Variants in AKAP9 observed in about 807,000 individuals in gnomAD.
The protein encoded by AKAP9 is A-kinase anchor protein 9.
AKAP9 carries 311 observed loss-of-function variants against 488.5 expected under a neutral mutation model. The ratio of observed to expected loss-of-function variants is 0.64; its 90% CI spans 0.58 to 0.70. The LOEUF is 0.70. Ranked by LOEUF, AKAP9 falls within the 30% of genes least tolerant of loss-of-function variation. AKAP9 has a pLI of 0.00. For synonymous variants in AKAP9, 1,462 were observed against 1,483.5 expected, an observed-to-expected ratio of 0.99 and a Z score of 0.33; for missense variants, 4,215 against 4,374.5, an observed-to-expected ratio of 0.96 and a Z score of 1.03.
At chr7:91,972,151 G>A (rs13224513) in intron 1 of AKAP9, among the ~76,000 whole-genome samples, 60,609 of 151,726 alleles carry the variant, frequency 0.4, 12,401 homozygotes, top group African/African-American at 0.46. Context: ...CTAGGGGCTC[G>A]TGCCCAGAGG....
chr7:91,954,344 G>T (rs1379195537), intron 1 of AKAP9, among the ~76,000 whole-genome samples: 1 of 152,128 alleles, frequency 6.6e-6, no homozygotes, highest in Admixed American at 6.5e-5. Flanking sequence ...GAGTGCAGTG[G>T]CATGATCATT....
intron 26 of AKAP9, 84 bp from the exon 27 acceptor site, chr7:92,069,946 T>C (rs1316002230): frequency 1.6e-6 from 2 of 1,256,654 alleles, no homozygotes; most frequent in Non-Finnish European, 2.3e-6. Flanking sequence ...ATTGTAGATA[T>C]CCAAAATGAG....
rs781322281 is a variant in AKAP9, at chr7:92,012,442, T to A, written c.3332T>A (p.Leu1111Gln). Reference sequence around the variant, plus strand: ...GTTTACTTTAAGAATGATTTAAGGCTACAGATGGAAGCCCAACGCATTTGC... The same window carrying A: ...GTTTACTTTAAGAATGATTTAAGGCAACAGATGGAAGCCCAACGCATTTGC... Reference protein sequence around the residue: ...VLKSEQNDLRLQMEAQRICLS... With the variant: ...VLKSEQNDLRQQMEAQRICLS... Residue 1111 changes from leucine to glutamine, a missense_variant, in exon 9 of 50, where the codon CTA becomes CAA. Leu to Gln is a moderately radical substitution (Grantham distance 113, BLOSUM62 -2). Coordinates refer to ENST00000356239, the MANE Select transcript of AKAP9 (RefSeq NM_005751.5). 1 of 1,613,778 alleles carries A rather than the reference T, an allele frequency of 6.2e-7. No homozygotes were observed. The highest frequency in any genetic ancestry group is 8.5e-7 in the Non-Finnish European group (1 of 1,179,702).
chr7:92,057,442 C>G (rs1244260941), intron 22 of AKAP9, among the ~76,000 whole-genome samples: 2 of 152,028 alleles, frequency 1.3e-5, no homozygotes, highest in African/African-American at 2.4e-5. Context: ...TGACGTGGAA[C>G]TTGGATCCTG....
intron 14 of AKAP9, among the ~76,000 whole-genome samples, chr7:92,026,947 C>CA (rs1803279279): frequency 6.9e-6 from 1 of 145,154 alleles, no homozygotes; most frequent in African/African-American, 2.6e-5. Context: ...CCCGGCCGCC[C>CA]TGTCTGGGAT....
Position 92,045,137 on chromosome 7 carries a change from G to A in AKAP9, c.5292G>A (p.Gln1764=), listed in dbSNP as rs1806753266. The change falls in exon 21 of 50, where the codon CAG becomes CAA. Residue 1764 remains glutamine, a synonymous_variant. Transcript: ENST00000356239. ...LGILDRSSKS[Q]SSASLIWRSE... is the part of the protein sequence containing the mutation. ...TTCTAGATAGATCTAGTAAAAGCCA[G>A]TCATCTGCCAGCCTAATTTGGAGGT... 6.2e-7 allele frequency: 1 copy of A among 1,613,758 alleles called. No individual in the cohort carries two copies.
At chr7:92,010,045 G>A (rs1800468918) in intron 8 of AKAP9, among the ~76,000 whole-genome samples, 1 of 152,090 alleles carries the variant, frequency 6.6e-6, no homozygotes, top group Non-Finnish European at 1.5e-5. Context: ...ACCATGCCTA[G>A]CTAAGATTTT....
chr7:92,007,464 C>T (rs1371861215), intron 8 of AKAP9, among the ~76,000 whole-genome samples: 1 of 151,732 alleles, frequency 6.6e-6, no homozygotes, highest in African/African-American at 2.4e-5. Flanking sequence ...GTTGGCCAGG[C>T]TGGTCTTGAA....
chr7:91,957,430 A>C (rs767229664), intron 1 of AKAP9, among the ~76,000 whole-genome samples: 2 of 152,220 alleles, frequency 1.3e-5, no homozygotes, highest in Non-Finnish European at 2.9e-5. Flanking sequence ...GTTTCCTAAA[A>C]TATGCAACAT....
chr7:91,958,933 G>A (rs1292862024), intron 1 of AKAP9, among the ~76,000 whole-genome samples: 9 of 151,812 alleles, frequency 5.9e-5, no homozygotes, highest in Middle Eastern at 3.2e-3. Context: ...CACCCAGGCT[G>A]GAATGCAGTG....
intron 40 of AKAP9, among the ~76,000 whole-genome samples, chr7:92,096,338 T>G (rs891459025): frequency 7.3e-4 from 110 of 149,884 alleles, no homozygotes; most frequent in Non-Finnish European, 1.4e-3. Context: ...TTTTTTGTTT[T>G]TTTTTTTTTT....
intron 40 of AKAP9, 52 bp downstream of exon 40, chr7:92,095,225 G>T (rs1563135680): frequency 6.2e-7 from 1 of 1,600,466 alleles, no homozygotes. Context: ...TGATAGAAGA[G>T]GGTCTTAAGG....
chr7:91,955,708 G>T (rs1265778491), intron 1 of AKAP9, among the ~76,000 whole-genome samples: 2 of 152,098 alleles, frequency 1.3e-5, no homozygotes, highest in African/African-American at 4.8e-5. Context: ...ATCTTGGCTT[G>T]CTGCAACCTC....
At chr7:92,043,867 G>A (rs1481650437) in intron 20 of AKAP9, among the ~76,000 whole-genome samples, 1 of 152,166 alleles carries the variant, frequency 6.6e-6, no homozygotes, top group Non-Finnish European at 1.5e-5. Flanking sequence ...GAAGCTAAAA[G>A]ATAAAACTGT....
At chr7:91,999,247 A>G (rs1349530678) in intron 7 of AKAP9, among the ~76,000 whole-genome samples, 1 of 152,096 alleles carries the variant, frequency 6.6e-6, no homozygotes, top group East Asian at 1.9e-4. Flanking sequence ...TTGTTTTGAG[A>G]CAGAGTCTCG....
Position 92,107,358 on chromosome 7 carries a change from C to A in AKAP9, c.11482C>A (p.His3828Asn). 3 of 1,613,472 alleles carry A rather than the reference C, an allele frequency of 1.9e-6. No homozygotes were observed. Among genetic ancestry groups the A allele is most frequent in the Non-Finnish European group, 2.5e-6 (3 of 1,179,520 alleles). ...GCTGGAGTTATATGGAGAACCAAGA[C>A]ATACTACGTATCGCTCAAGATCAGA... ...GGLELYGEPR[H>N]TTYRSRSDLD... Residue 3828 changes from histidine (H) to asparagine (N), a missense_variant, in exon 48 of 50, where the codon CAT (histidine) becomes AAT (asparagine). Around this residue, in one of 5 missense-constraint regions of AKAP9, gnomAD observed 253 missense variants for 266.8 expected, o/e 0.95. Coordinates refer to ENST00000356239, the MANE Select transcript of AKAP9 (RefSeq NM_005751.5).
chr7:92,017,811 G>A (rs1245060441), intron 12 of AKAP9, among the ~76,000 whole-genome samples: 1 of 151,980 alleles, frequency 6.6e-6, no homozygotes. Flanking sequence ...TTTCCCTCCT[G>A]TTTCTTCTTG....
intron 14 of AKAP9, among the ~76,000 whole-genome samples, chr7:92,024,439 GTA>G (rs60256828): frequency 6.8e-5 from 10 of 147,044 alleles, no homozygotes; most frequent in Non-Finnish European, 7.5e-5. Flanking sequence ...ATGTGTGTGT[GTA>G]TATATATATA....
At chr7:92,041,124 G>A (rs1357860675) in intron 18 of AKAP9, 5 of 468,746 alleles carry the variant, frequency 1.1e-5, no homozygotes, top group Non-Finnish European at 1.9e-5. Flanking sequence ...CCTTGGAGTG[G>A]GCATTGTCTT....
Sources: gnomAD v4.1 joint callset for allele counts (sites outside exome capture counted in the v4.1 genomes callset) on GRCh38, gnomAD v4.1.1 for gene constraint, gnomAD v4.1.1 regional missense constraint, MANE v1.5 for transcripts, NCBI Gene and HGNC (gene_info 2026-07-23, HGNC 2026-07-21) for gene names.